TEAD1: variants seen among roughly 807,000 people sequenced by gnomAD.
TEAD1 encodes the protein TEA domain transcription factor 1.
Under a neutral mutation model 54.9 loss-of-function variants are expected in TEAD1, and 9 were observed. The ratio of observed to expected loss-of-function variants is 0.16; its 90% CI spans 0.10 to 0.29. TEAD1 has a LOEUF of 0.29. Ranked by LOEUF, TEAD1 falls within the 10% of genes least tolerant of loss-of-function variation. TEAD1 has a pLI of 1.00. For synonymous variants in TEAD1, 200 were observed against 187.8 expected (o/e 1.07, Z -0.53); for missense variants, 387 against 535.9 (o/e 0.72, Z 2.74).
chr11:12,871,711 C>T (rs1265319459), intron 5 of TEAD1, among the ~76,000 whole-genome samples: 4 of 152,164 alleles, frequency 2.6e-5, no homozygotes, highest in Non-Finnish European at 5.9e-5. Flanking sequence ...CTCCATCTTC[C>T]CATGAAGATG....
chr11:12,820,686 A>G (rs902766589), intron 3 of TEAD1, among the ~76,000 whole-genome samples: 25 of 152,140 alleles, frequency 1.6e-4, no homozygotes, highest in African/African-American at 6.0e-4. Flanking sequence ...CTACTGTTTC[A>G]GGGGACAGGA....
chr11:12,808,427 G>T (rs1483869620), intron 3 of TEAD1, among the ~76,000 whole-genome samples: 1 of 152,162 alleles, frequency 6.6e-6, no homozygotes, highest in Non-Finnish European at 1.5e-5. Context: ...GTTTCTAGCA[G>T]CCCAGAGTGA....
intron 3 of TEAD1, among the ~76,000 whole-genome samples, chr11:12,790,479 G>C (rs997272023): frequency 6.6e-6 from 1 of 152,138 alleles, no homozygotes; most frequent in South Asian, 2.1e-4. Context: ...GGGAATGATA[G>C]GACCCTTATC....
chr11:12,807,614 C>T (rs1226995504), intron 3 of TEAD1, among the ~76,000 whole-genome samples: 1 of 152,162 alleles, frequency 6.6e-6, no homozygotes, highest in Non-Finnish European at 1.5e-5. Flanking sequence ...TCAATAAATG[C>T]AAACTATTAA....
At chr11:12,846,380 T>G (rs1241275877) in intron 3 of TEAD1, among the ~76,000 whole-genome samples, 2 of 152,218 alleles carry the variant, frequency 1.3e-5, no homozygotes, top group Non-Finnish European at 2.9e-5. Flanking sequence ...TTTAAACTGC[T>G]TAAGCGGTTG....
At chr11:12,713,997 A>C (rs1478697734) in intron 2 of TEAD1, among the ~76,000 whole-genome samples, 2 of 152,204 alleles carry the variant, frequency 1.3e-5, no homozygotes, top group Non-Finnish European at 2.9e-5. Flanking sequence ...TCCTAGATGA[A>C]ATAGGGCCTA....
intron 3 of TEAD1, among the ~76,000 whole-genome samples, chr11:12,775,534 G>C (rs976330399): frequency 6.6e-6 from 1 of 152,078 alleles, no homozygotes; most frequent in African/African-American, 2.4e-5. Context: ...ATTTTATCCC[G>C]TTCCAGTGAT....
intron 5 of TEAD1, chr11:12,879,448 G>C: frequency 1.6e-6 from 1 of 616,900 alleles, no homozygotes; most frequent in South Asian, 1.9e-5. Context: ...TCTTCTGAGA[G>C]GCTTCACATT....
At chr11:12,714,834 T>G (rs1944020596) in intron 2 of TEAD1, among the ~76,000 whole-genome samples, 1 of 152,160 alleles carries the variant, frequency 6.6e-6, no homozygotes, top group Non-Finnish European at 1.5e-5. Context: ...GTGTCCCTAG[T>G]GTCTCTATGT....
At chr11:12,724,229 G>C (rs995598063) in intron 2 of TEAD1, among the ~76,000 whole-genome samples, 2 of 152,162 alleles carry the variant, frequency 1.3e-5, no homozygotes, top group African/African-American at 4.8e-5. Context: ...GAGCTCGTGG[G>C]CTCTCCGTAA....
At chr11:12,877,588 A>G (rs1173630667) in intron 5 of TEAD1, among the ~76,000 whole-genome samples, 1 of 152,000 alleles carries the variant, frequency 6.6e-6, no homozygotes, top group African/African-American at 2.4e-5. Context: ...GAACCTGGGA[A>G]GCGGAGGTTG....
intron 3 of TEAD1, among the ~76,000 whole-genome samples, chr11:12,842,725 A>AT (rs949352816): frequency 1.7e-4 from 26 of 151,762 alleles, no homozygotes; most frequent in Middle Eastern, 3.4e-3. Context: ...CAATAAGTGA[A>AT]TTTTTTTTTA....
intron 3 of TEAD1, among the ~76,000 whole-genome samples, chr11:12,854,847 C>T (rs529413309): frequency 2.6e-5 from 4 of 151,780 alleles, no homozygotes; most frequent in African/African-American, 2.4e-5. Context: ...CCTCCTGCCT[C>T]AGCCTCCCAA....
At chr11:12,887,296 C>T (rs959302148) in intron 9 of TEAD1, among the ~76,000 whole-genome samples, 11 of 151,928 alleles carry the variant, frequency 7.2e-5, no homozygotes, top group African/African-American at 2.4e-4. Flanking sequence ...AGGGTTTCAC[C>T]GTGTTAGCCA....
chr11:12,796,590 T>A (rs1366438737), intron 3 of TEAD1, among the ~76,000 whole-genome samples: 1 of 151,914 alleles, frequency 6.6e-6, no homozygotes, highest in Non-Finnish European at 1.5e-5. Flanking sequence ...CTGGGTGTGA[T>A]GTCACACACC....
At chr11:12,896,414 C>T (rs1401445781) in intron 9 of TEAD1, among the ~76,000 whole-genome samples, 4 of 152,134 alleles carry the variant, frequency 2.6e-5, no homozygotes, top group African/African-American at 9.7e-5. Context: ...ACATACCCTC[C>T]TATAGCTCCC....
At chr11:12,823,092 A>G (rs772976776) in intron 3 of TEAD1, among the ~76,000 whole-genome samples, 1 of 152,092 alleles carries the variant, frequency 6.6e-6, no homozygotes, top group Non-Finnish European at 1.5e-5. Flanking sequence ...AGCACATCTC[A>G]TCTTTGCTCA....
At chr11:12,679,613 A>G (rs1446225744) in intron 2 of TEAD1, among the ~76,000 whole-genome samples, 1 of 152,172 alleles carries the variant, frequency 6.6e-6, no homozygotes, top group African/African-American at 2.4e-5. Context: ...ATTCTCTGGC[A>G]TGAACTTTTT....
At chr11:12,925,682 T>A (rs2727381) in intron 11 of TEAD1, among the ~76,000 whole-genome samples, 96,273 of 152,048 alleles carry the variant, frequency 0.63, 30,653 homozygotes, top group South Asian at 0.73. Flanking sequence ...GCACCTTTGC[T>A]TGAGGCCTTG....
Sources: allele counts gnomAD v4.1 joint callset (sites outside exome capture counted in the v4.1 genomes callset), GRCh38; gene constraint gnomAD v4.1.1; transcripts MANE v1.5; gene names NCBI Gene and HGNC (gene_info 2026-07-23, HGNC 2026-07-21).